The following INTS11 variants were observed in gnomAD, a reference collection of about 807,000 sequenced individuals.
INTS11 encodes CPSF3-like protein.
A neutral mutation model predicts 78.6 loss-of-function variants in INTS11; 77 were observed. The observed-to-expected ratio is 0.98, with a 90% CI of 0.81 to 1.18. The LOEUF (loss-of-function observed/expected upper bound fraction) is 1.18. Among genes scored for constraint, INTS11 ranks in the 50% most tolerant of loss-of-function variants. The pLI is 0.00. For synonymous variants in INTS11, 441 were observed against 326.9 expected, an observed-to-expected ratio of 1.35 and a Z score of -3.77; for missense variants, 875 against 825.9, an observed-to-expected ratio of 1.06 and a Z score of -0.73.
chr1:1,312,120 G>C lies in INTS11; in HGVS notation c.1635C>G (p.His545Gln). 1.3e-6 allele frequency: 2 copies of C among 1,570,962 alleles called. No individual in the cohort carries two copies. The highest frequency in any genetic ancestry group is 1.7e-6 in the Non-Finnish European group (2 of 1,156,210). The change falls in exon 16 of 17, where the codon CAC (histidine) becomes CAG (glutamine). Residue 545 changes from histidine (H) to glutamine (Q), a missense_variant. Coordinates refer to ENST00000435064, the MANE Select transcript of INTS11 (RefSeq NM_017871.6). ...CCACAGTCACAGAGCCGTCTGGGAG[G>C]TGCTGCACACAGTGGTCCTTCAGGA... ...KSVLKDHCVQHLPDGSVTVES... is the reference protein window; with the variant it reads ...KSVLKDHCVQQLPDGSVTVES...
At chr1:1,320,975 C>T (rs762566349) in intron 2 of INTS11, 21 bp downstream of exon 2, 9 of 1,606,500 alleles carry the variant, frequency 5.6e-6, no homozygotes, top group Non-Finnish European at 7.7e-6. Flanking sequence ...AGCCTCTGGG[C>T]CTCCTGCCCA....
Position 1,312,490 on chromosome 1 carries a change from CAG to C in INTS11, c.1412_1413del (p.Pro471ArgfsTer35), listed in dbSNP as rs1208606066. 7.6e-6 allele frequency: 12 copies of C among 1,580,572 alleles called. No homozygotes were observed. Among genetic ancestry groups the C allele is most frequent in the Non-Finnish European group, 1.0e-5 (12 of 1,163,900 alleles). ...LKREMAQGLL[P>X]EAKKPRLLHG... The stretch of plus-strand genomic sequence containing the variant: ...TGCAGGAGCCGAGGCTTCTTGGCCT[CAG>C]GGAGCAGCCCTGCGGAGGAGGTGGC... On this transcript the variant is annotated frameshift_variant, in exon 14 of 17. Transcript: ENST00000435064. LOFTEE classifies it high-confidence loss of function.
At chr1:1,315,980 T>TG (rs1344423025) in intron 4 of INTS11, among the ~76,000 whole-genome samples, 2 of 152,112 alleles carry the variant, frequency 1.3e-5, no homozygotes, top group African/African-American at 4.8e-5. Flanking sequence ...GACCTGAAAT[T>TG]GGAGTTTCCA....
At chr1:1,323,055 G>C (rs1046221217) in intron 1 of INTS11, 15 of 1,459,334 alleles carry the variant, frequency 1.0e-5, no homozygotes, top group African/African-American at 7.0e-5. Flanking sequence ...AGGACCCAGA[G>C]AGCAGGGGAG....
Position 1,315,398 on chromosome 1 carries a change from A to C in INTS11, c.563+6T>G, listed in dbSNP as rs1417758935. 3 of 1,613,224 alleles carry C rather than the reference A, an allele frequency of 1.9e-6. No individual in the cohort carries two copies. The highest frequency in any genetic ancestry group is 2.2e-5 in the East Asian group (1 of 44,814). ...ACGGGACAAAAAGACACCTCAGCCT[A>C]CTTACCCTAAGTGTCGGTCTGGGGT... On this transcript the variant is annotated splice_donor_region_variant and intron_variant, in intron 6 of 16. Transcript: ENST00000435064.
chr1:1,314,006 G>GT lies in INTS11; in HGVS notation c.768-86dup, dbSNP rs1036345426. On this transcript the variant is annotated intron_variant, in intron 8 of 16. Transcript: ENST00000435064. The surrounding 1 kb of genome is among the most constrained non-coding windows in gnomAD (Gnocchi z 4.2). ...CTCGGCCGGGTCACCCCCAACACCC[G>GT]TGTCTGCACAGCCCACGCACGGGCC... 3 of 1,386,820 alleles carry GT rather than the reference G, an allele frequency of 2.2e-6. No individual in the cohort carries two copies. In the African/African-American group the frequency reaches 4.3e-5, roughly 20 times the overall value. The allele number at this position is 1,386,820 out of a possible 1,614,324, so 85.9% of individuals were successfully genotyped here.
chr1:1,323,196 A>G (rs1214823877), intron 1 of INTS11: 5 of 1,550,210 alleles, frequency 3.2e-6, no homozygotes, highest in Admixed American at 2.0e-5. Context: ...GGGGGAGGAC[A>G]TGGAATCCCG....
At position 1,313,050 on chromosome 1, in the gene INTS11, C is replaced by T. The variant is rs756534506; in HGVS notation, c.1116G>A (p.Met372Ile). 6.8e-6 allele frequency: 11 copies of T among 1,610,764 alleles called. No homozygotes were observed. The highest frequency in any genetic ancestry group is 9.3e-6 in the Non-Finnish European group (11 of 1,179,846). Reference protein sequence around the residue: ...KILSGQRKLEMEGRQVLEVKM... With the variant: ...KILSGQRKLEIEGRQVLEVKM... The stretch of plus-strand genomic sequence containing the variant: ...CGAGACTCACCACCTGCCGCCCCTC[C>T]ATCTCGAGCTTCCGCTGCCCGCTGA... The change falls in exon 11 of 17, where the codon ATG becomes ATA. Residue 372 changes from methionine to isoleucine, a missense_variant. Coordinates refer to ENST00000435064, the MANE Select transcript of INTS11 (RefSeq NM_017871.6).
chr1:1,314,444 G>C lies in INTS11; in HGVS notation c.703-79C>G. 1 of 1,324,424 alleles carries C rather than the reference G, an allele frequency of 7.6e-7. No homozygotes were observed. The highest frequency in any genetic ancestry group is 2.2e-5 in the Admixed American group (1 of 44,676). The allele number at this position is 1,324,424 out of a possible 1,614,324, so 82.0% of individuals were successfully genotyped here. A position where few individuals can be genotyped will look rare whatever the true frequency, so the allele number is the denominator to read the frequency against. ...GCAGCGTCCAGTGAGGGCACGGCCA[G>C]GTGCCCAAGAGCTGCGGCCTCATAG... On this transcript the variant is annotated intron_variant, in intron 7 of 16. Coordinates refer to ENST00000435064, the MANE Select transcript of INTS11 (RefSeq NM_017871.6). This position sits in a 1 kb window ranked among gnomAD's most constrained non-coding sequence, Gnocchi z 4.2.
At position 1,311,680 on chromosome 1, in the gene INTS11, C is replaced by T. The variant is rs867133458; in HGVS notation, c.*179G>A. 5 of 726,380 alleles carry T rather than the reference C, an allele frequency of 6.9e-6. No homozygotes were observed. The highest frequency in any genetic ancestry group is 2.3e-4 in the Middle Eastern group (1 of 4,302). The allele number at this position is 726,380 out of a possible 1,614,324, so 45.0% of individuals were successfully genotyped here. ...GAATAAAGGCAAGACAGCCTGGAGA[C>T]CAGTTTGTTTCTTCAGCTGCAAACA... On this transcript the variant is annotated 3_prime_UTR_variant, in exon 17 of 17. Transcript: ENST00000435064.
chr1:1,319,086 T>C (rs1261598977), intron 4 of INTS11: 3 of 731,942 alleles, frequency 4.1e-6, no homozygotes, highest in Admixed American at 3.9e-5. Flanking sequence ...ACCCTGCACG[T>C]GCTCTCCCGG....
Position 1,314,904 on chromosome 1 carries a change from T to C in INTS11, c.622A>G (p.Thr208Ala), listed in dbSNP as rs767194750. 1.2e-6 allele frequency: 2 copies of C among 1,613,054 alleles called. No individual in the cohort carries two copies. Among genetic ancestry groups the C allele is most frequent in the Non-Finnish European group, 1.7e-6 (2 of 1,179,938 alleles). ...NLLITESTYATTIRDSKRCRE... is the reference protein window; with the variant it reads ...NLLITESTYAATIRDSKRCRE... Reference sequence around the variant, plus strand: ...CAGCGCTTGGAGTCACGGATGGTCGTGGCGTACGTGGACTCTGTGATGAGC... The same window carrying C: ...CAGCGCTTGGAGTCACGGATGGTCGCGGCGTACGTGGACTCTGTGATGAGC... The change falls in exon 7 of 17, where the codon ACG (threonine) becomes GCG (alanine). Residue 208 changes from threonine (T) to alanine (A), a missense_variant. Coordinates refer to ENST00000435064, the MANE Select transcript of INTS11 (RefSeq NM_017871.6). This position sits in a 1 kb window ranked among gnomAD's most constrained non-coding sequence, Gnocchi z 4.2.
chr1:1,316,414 C>G (rs539827463), intron 4 of INTS11: 1 of 152,296 alleles, frequency 6.6e-6, no homozygotes, highest in Admixed American at 6.5e-5. Context: ...CACGGTGAAA[C>G]CCTGTCTCTA....
In INTS11 at chr1:1,315,637, C is replaced by T. The variant is rs1156812267; in HGVS notation, c.430-19G>A. On this transcript the variant is annotated intron_variant, in intron 4 of 16. Coordinates refer to ENST00000435064, the MANE Select transcript of INTS11 (RefSeq NM_017871.6). ...CATCTACCTGTGGAGGACAGGGCTG[C>T]GCTCAGGCTGTGTCCTCACAGCAGA... 2.5e-6 allele frequency: 4 copies of T among 1,584,582 alleles called. No individual in the cohort carries two copies. Among genetic ancestry groups the T allele is most frequent in the East Asian group, 2.3e-5 (1 of 44,150 alleles).
intron 3 of INTS11, chr1:1,320,141 G>A (rs1642858586): frequency 8.6e-6 from 3 of 346,940 alleles, no homozygotes; most frequent in Non-Finnish European, 1.6e-5. Context: ...GGTCAGGGCA[G>A]ACTCGGGACT....
At chr1:1,324,328 G>A (rs952405417) in intron 1 of INTS11, among the ~76,000 whole-genome samples, 2 of 152,100 alleles carry the variant, frequency 1.3e-5, no homozygotes, top group Non-Finnish European at 2.9e-5. Flanking sequence ...CGAAGGCCCC[G>A]CGGCCCCATC....
chr1:1,315,264 A>G, intron 6 of INTS11, 140 bp downstream of exon 6: 1 of 1,068,380 alleles, frequency 9.4e-7, no homozygotes, highest in East Asian at 2.6e-5. Context: ...TTGGGCCCAG[A>G]ACGAAGGGGG....
Position 1,312,213 on chromosome 1 carries a change from G to GGGGGGGCCCCCCCGCC in INTS11, c.1607+12_1607+13insGGCGGGGGGGCCCCCC. 1 of 934,630 alleles carries GGGGGGGCCCCCCCGCC rather than the reference G, an allele frequency of 1.1e-6. No homozygotes were observed. Among genetic ancestry groups the GGGGGGGCCCCCCCGCC allele is most frequent in the Non-Finnish European group, 1.6e-6 (1 of 636,678 alleles). The allele number at this position is 934,630 out of a possible 1,614,324, so 57.9% of individuals were successfully genotyped here. ...CCCAAGGGAGTGGGGGGGGGGCGGGGCCGGGCGCCCACCTCTTGAGGTGGC... is the reference window on the plus strand; with the variant it reads ...CCCAAGGGAGTGGGGGGGGGGCGGGGGGGGGGCCCCCCCGCCCCGGGCGCCCACCTCTTGAGGTGGC... On this transcript the variant is annotated intron_variant, in intron 15 of 16. Transcript: ENST00000435064.
chr1:1,313,321 G>A (rs549376222), intron 10 of INTS11, 188 bp downstream of exon 10: 50 of 878,626 alleles, frequency 5.7e-5, no homozygotes, highest in Middle Eastern at 2.9e-4. Context: ...TGTTCTGCCC[G>A]AGGTGGACAA....
Sources: allele counts gnomAD v4.1 joint callset (sites outside exome capture counted in the v4.1 genomes callset), GRCh38; gene constraint gnomAD v4.1.1; non-coding constraint Gnocchi (gnomAD v3.1); transcripts MANE v1.5; gene names NCBI Gene and HGNC (gene_info 2026-07-23, HGNC 2026-07-21).